MDGA2: variants seen among roughly 807,000 people sequenced by gnomAD.
MDGA2 encodes the protein MAM domain-containing glycosylphosphatidylinositol anchor protein 2.
MDGA2 carries 40 observed loss-of-function variants against 117.8 expected under a neutral mutation model. That is an observed-to-expected ratio of 0.34 (90% CI 0.26 to 0.44). The LOEUF is 0.44. Among genes scored for constraint, MDGA2 ranks in the 20% least tolerant of loss-of-function variants. The pLI is 1.00. For synonymous variants in MDGA2, 452 were observed against 439.0 expected (o/e 1.03, Z -0.37); for missense variants, 1,123 against 1,250.6 (o/e 0.90, Z 1.54).
intron 10 of MDGA2, among the ~76,000 whole-genome samples, chr14:46,900,018 A>G (rs1469395713): frequency 2.0e-5 from 3 of 152,066 alleles, no homozygotes; most frequent in African/African-American, 7.2e-5. Context: ...CAATGGTACA[A>G]TTTTCTAGGA....
intron 1 of MDGA2, among the ~76,000 whole-genome samples, chr14:47,311,735 GT>G (rs1889642660): frequency 6.6e-6 from 1 of 152,068 alleles, no homozygotes; most frequent in African/African-American, 2.4e-5. Context: ...AAGATCATGT[GT>G]TTTTTATTTC....
intron 1 of MDGA2, among the ~76,000 whole-genome samples, chr14:47,392,090 A>C (rs1166455597): frequency 1.3e-5 from 2 of 152,114 alleles, no homozygotes; most frequent in African/African-American, 4.8e-5. Flanking sequence ...AACTTTTAAC[A>C]CTCAGATCTC....
chr14:47,200,715 C>A, intron 3 of MDGA2: 1 of 917,524 alleles, frequency 1.1e-6, no homozygotes, highest in East Asian at 2.5e-5. Flanking sequence ...TTCCTCTTCT[C>A]CTGCAGGGTG....
At chr14:47,237,316 C>A (rs1227995595) in intron 2 of MDGA2, among the ~76,000 whole-genome samples, 2 of 152,226 alleles carry the variant, frequency 1.3e-5, no homozygotes, top group Middle Eastern at 3.4e-3. Context: ...TGATTTGCAA[C>A]ACTTATGAGC....
intron 1 of MDGA2, among the ~76,000 whole-genome samples, chr14:47,492,982 C>T (rs868297379): frequency 6.6e-6 from 1 of 151,920 alleles, no homozygotes; most frequent in African/African-American, 2.4e-5. Context: ...TTCTCTAATG[C>T]TACATTTATC....
chr14:47,169,831 T>A (rs562292420), intron 3 of MDGA2, among the ~76,000 whole-genome samples: 4 of 152,038 alleles, frequency 2.6e-5, no homozygotes, highest in Non-Finnish European at 5.9e-5. Flanking sequence ...ATACTACTGA[T>A]TAAAGGTTTT....
intron 8 of MDGA2, among the ~76,000 whole-genome samples, chr14:47,025,927 T>C (rs1008784892): frequency 2.0e-5 from 3 of 152,262 alleles, no homozygotes; most frequent in African/African-American, 7.2e-5. Flanking sequence ...GTTTCTGTCT[T>C]ATACCCTTGT....
At chr14:47,581,559 C>A (rs1279086822) in intron 1 of MDGA2, among the ~76,000 whole-genome samples, 1 of 151,962 alleles carries the variant, frequency 6.6e-6, no homozygotes, top group Admixed American at 6.6e-5. Context: ...CACTCTAAAT[C>A]CTTATATTTT....
At chr14:47,412,660 T>C (rs1892397367) in intron 1 of MDGA2, among the ~76,000 whole-genome samples, 1 of 152,224 alleles carries the variant, frequency 6.6e-6, no homozygotes, top group Non-Finnish European at 1.5e-5. Flanking sequence ...ACAAAATAAA[T>C]TATTTTGACA....
At chr14:46,893,614 ACAT>A (rs1882966275) in intron 10 of MDGA2, among the ~76,000 whole-genome samples, 2 of 152,088 alleles carry the variant, frequency 1.3e-5, no homozygotes, top group Admixed American at 6.6e-5. Context: ...TTATATCAAA[ACAT>A]CATGTTGTAT....
intron 7 of MDGA2, among the ~76,000 whole-genome samples, chr14:47,039,049 T>C (rs1888967289): frequency 6.6e-6 from 1 of 152,186 alleles, no homozygotes; most frequent in African/African-American, 2.4e-5. Context: ...AAACCTGTTA[T>C]ATGTTTTTCT....
At position 47,263,249 on chromosome 14, in the gene MDGA2, G is replaced by A. The variant is rs112142885; in HGVS notation, c.420+38162C>T. On this transcript the variant is annotated intron_variant, in intron 2 of 16. Coordinates refer to ENST00000399232, the MANE Select transcript of MDGA2 (RefSeq NM_001113498.3). ...TTTCATGTCTCACAATCTTAAGAAC[G>A]TGGATTTAGTTAGGCACGTGGATTC... Among the ~76,000 whole-genome samples, 384 of 152,106 alleles carry A rather than the reference G, an allele frequency of 2.5e-3. 3 individuals are homozygous for A. Among genetic ancestry groups the A allele is most frequent in the African/African-American group, 8.8e-3 (367 of 41,492 alleles).
In MDGA2 at chr14:46,960,006, G is replaced by A. The variant is rs575748140; in HGVS notation, c.1820-2363C>T. On this transcript the variant is annotated intron_variant, in intron 8 of 16. Transcript: ENST00000399232. ...TGGGAGGCTGAGGAGGGCGGATCAC[G>A]AGGTCAGGACTTCGAGACCAGCCTG... Among the ~76,000 whole-genome samples, 8 of 152,080 alleles carry A rather than the reference G, an allele frequency of 5.3e-5. No homozygotes were observed. In the South Asian group the frequency reaches 6.2e-4, roughly 12 times the overall value.
At chr14:46,864,372 CTT>C (rs1881639254) in intron 14 of MDGA2, among the ~76,000 whole-genome samples, 1 of 150,038 alleles carries the variant, frequency 6.7e-6, no homozygotes, top group South Asian at 2.1e-4. Context: ...AACATTCTAA[CTT>C]AATTATTTTG....
intron 2 of MDGA2, among the ~76,000 whole-genome samples, chr14:47,245,288 T>C (rs1566700169): frequency 6.6e-6 from 1 of 151,896 alleles, no homozygotes; most frequent in Admixed American, 6.6e-5. Flanking sequence ...CTTGGCCTTA[T>C]GATTTTCTTC....
chr14:47,507,284 G>T (rs1443624891), intron 1 of MDGA2, among the ~76,000 whole-genome samples: 1 of 152,072 alleles, frequency 6.6e-6, no homozygotes, highest in African/African-American at 2.4e-5. Flanking sequence ...ATGGAATAAG[G>T]AAGAGGATTT....
intron 4 of MDGA2, among the ~76,000 whole-genome samples, chr14:47,141,739 T>C (rs1254567110): frequency 1.3e-5 from 2 of 152,046 alleles, no homozygotes; most frequent in Non-Finnish European, 2.9e-5. Flanking sequence ...GAAGGGAGAA[T>C]AGAGAGAGAT....
chr14:47,026,503 A>AT, intron 8 of MDGA2, among the ~76,000 whole-genome samples: 1 of 152,216 alleles, frequency 6.6e-6, no homozygotes, highest in East Asian at 1.9e-4. Context: ...AGCACTAAGC[A>AT]TATTATTGTT....
At chr14:47,150,923 CAAA>C (rs34212740) in intron 3 of MDGA2, among the ~76,000 whole-genome samples, 83 of 82,442 alleles carry the variant, frequency 1.0e-3, no homozygotes, top group East Asian at 2.5e-3. Context: ...GACTCTGTCT[CAAA>C]AAAAAAAAAA....
Sources: allele counts gnomAD v4.1 joint callset (sites outside exome capture counted in the v4.1 genomes callset), GRCh38; gene constraint gnomAD v4.1.1; transcripts MANE v1.5; gene names NCBI Gene and HGNC (gene_info 2026-07-23, HGNC 2026-07-21).